TTYH2: variants seen among roughly 807,000 people sequenced by gnomAD.
The protein encoded by TTYH2 is protein tweety homolog 2.
A neutral mutation model predicts 68.3 loss-of-function variants in TTYH2; 49 were observed. The observed-to-expected ratio is 0.72, with a 90% CI of 0.57 to 0.91. TTYH2 has a LOEUF of 0.91. Ranked by LOEUF, TTYH2 falls within the 40% of genes least tolerant of loss-of-function variation. The pLI, the probability that TTYH2 is intolerant of heterozygous loss-of-function variation, is 0.00. For synonymous variants in TTYH2, 272 were observed against 300.8 expected, an observed-to-expected ratio of 0.90 and a Z score of 0.99; for missense variants, 631 against 700.4, an observed-to-expected ratio of 0.90 and a Z score of 1.12.
chr17:74,245,473 G>C (rs1285379195), intron 6 of TTYH2, among the ~76,000 whole-genome samples: 1 of 152,250 alleles, frequency 6.6e-6, no homozygotes, highest in Non-Finnish European at 1.5e-5. Flanking sequence ...GGAGGCAGCG[G>C]TGGCTTCCAG....
At chr17:74,249,463 A>G in intron 8 of TTYH2, 64 bp downstream of exon 8, 1 of 1,570,628 alleles carries the variant, frequency 6.4e-7, no homozygotes, top group African/African-American at 1.3e-5. Flanking sequence ...CCTAAGCCTC[A>G]CCACTGACCA....
Position 74,255,486 on chromosome 17 carries a change from C to T in TTYH2, c.1524+1653C>T, listed in dbSNP as rs569388256. On this transcript the variant is annotated intron_variant, in intron 13 of 13. Transcript: ENST00000269346. ...TTTTTTTTTGAGACGGAGTCTCACT[C>T]TTCTGCCCAGGCTGGAGTGCAGTGA... Among the ~76,000 whole-genome samples, 3 of 151,948 alleles carry T rather than the reference C, an allele frequency of 2.0e-5. No individual in the cohort carries two copies. In the South Asian group the frequency reaches 6.2e-4, roughly 32 times the overall value.
chr17:74,235,903 A>C (rs796402446), intron 3 of TTYH2, among the ~76,000 whole-genome samples: 2 of 151,990 alleles, frequency 1.3e-5, no homozygotes, highest in African/African-American at 2.4e-5. Context: ...CTCAAAAAAA[A>C]AAAAAAAACA....
chr17:74,259,785 T>C (rs902946914), intron 13 of TTYH2, among the ~76,000 whole-genome samples: 1 of 152,158 alleles, frequency 6.6e-6, no homozygotes, highest in African/African-American at 2.4e-5. Context: ...AGCTGGGATT[T>C]GAACCTGCTT....
chr17:74,244,493 G>A (rs1352649444), intron 6 of TTYH2, among the ~76,000 whole-genome samples: 1 of 152,210 alleles, frequency 6.6e-6, no homozygotes, highest in Non-Finnish European at 1.5e-5. Context: ...CCCTGGGACT[G>A]TAGAATGTGG....
chr17:74,237,443 G>A lies in TTYH2; in HGVS notation c.564G>A (p.Leu188=). ...GCGTTGTTGTTCAGCTCTCAGGACTGCCCGTGTGGAGGGAGGTCACCATGG... is the reference window on the plus strand; with the variant it reads ...GCGTTGTTGTTCAGCTCTCAGGACTACCCGTGTGGAGGGAGGTCACCATGG... ...AGSVVVQLSG[L]PVWREVTMEL... Residue 188 remains leucine, a synonymous_variant, in exon 4 of 14, where the codon CTG becomes CTA. Transcript: ENST00000269346. 2 of 1,614,130 alleles carry A rather than the reference G, an allele frequency of 1.2e-6. No homozygotes were observed. The highest frequency in any genetic ancestry group is 1.6e-4 in the Middle Eastern group (1 of 6,062).
chr17:74,249,111 G>T, intron 7 of TTYH2, 31 bp downstream of exon 7: 1 of 1,613,616 alleles, frequency 6.2e-7, no homozygotes, highest in African/African-American at 1.3e-5. Flanking sequence ...TGCTGCTGTG[G>T]ATGCATAGGT....
chr17:74,251,211 T>C lies in TTYH2; in HGVS notation c.1116+854T>C, dbSNP rs374118253. On this transcript the variant is annotated intron_variant, in intron 10 of 13. Coordinates refer to ENST00000269346, the MANE Select transcript of TTYH2 (RefSeq NM_032646.6). ...GTGTGCTGTGCATGCGTGTGTGTGG[T>C]GCATGTGTATGTGCCTGTATGTGTG... 2.4e-3 allele frequency among the ~76,000 whole-genome samples: 371 copies of C among 151,478 alleles called. 1 individual carries two copies. Among genetic ancestry groups the C allele is most frequent in the African/African-American group, 8.6e-3 (354 of 41,266 alleles).
intron 6 of TTYH2, 25 bp from the exon 7 acceptor site, chr17:74,248,986 C>A: frequency 1.9e-6 from 3 of 1,614,018 alleles, no homozygotes; most frequent in Non-Finnish European, 1.7e-6. Flanking sequence ...TTTTCCTCCA[C>A]CCCGTCCCTC....
rs1051768602 is a variant in TTYH2 at position 74,261,922 on chromosome 17, CAG to C, written c.*1715_*1716del. ...TTGTTTTTAATGCATGGAAACTAAA[CAG>C]ATTCCTCGGGGAGTTCCTGAAGGAA... On this transcript the variant is annotated 3_prime_UTR_variant, in exon 14 of 14. Coordinates refer to ENST00000269346, the MANE Select transcript of TTYH2 (RefSeq NM_032646.6). The C allele has an allele frequency of 1.2e-4, 18 of 152,726 alleles. No homozygotes were observed. Among genetic ancestry groups the C allele is most frequent in the African/African-American group, 3.6e-4 (15 of 41,568 alleles). The allele number at this position is 152,726 out of a possible 1,614,324, so 9.5% of individuals were successfully genotyped here. A position where few individuals can be genotyped will look rare whatever the true frequency, so the allele number is the denominator to read the frequency against.
At chr17:74,256,949 T>TA (rs2050699430) in intron 13 of TTYH2, 2 of 152,330 alleles carry the variant, frequency 1.3e-5, no homozygotes, top group Admixed American at 6.5e-5. Context: ...ACGCCCAGCC[T>TA]AAAAGTCAGC....
At chr17:74,257,466 C>T (rs529002477) in intron 13 of TTYH2, among the ~76,000 whole-genome samples, 27 of 152,288 alleles carry the variant, frequency 1.8e-4, no homozygotes, top group Admixed American at 1.6e-3. Context: ...CAGCTGGCTG[C>T]GCCCCACCCT....
At chr17:74,252,520 G>A (rs1246566937) in intron 11 of TTYH2, 144 bp downstream of exon 11, 2 of 1,080,636 alleles carry the variant, frequency 1.9e-6, no homozygotes, top group African/African-American at 1.6e-5. Flanking sequence ...CCAACAGGCT[G>A]GCTGACTTCT....
intron 6 of TTYH2, among the ~76,000 whole-genome samples, chr17:74,244,583 G>A (rs1397982641): frequency 7.1e-6 from 1 of 141,526 alleles, no homozygotes; most frequent in Admixed American, 6.9e-5. Context: ...TGGATGTGAT[G>A]TCTCAAAATG....
In TTYH2 at chr17:74,248,719, C is replaced by G. The variant is rs1383707239; in HGVS notation, c.805-292C>G. On this transcript the variant is annotated intron_variant, in intron 6 of 13. Transcript: ENST00000269346. The stretch of plus-strand genomic sequence containing the variant: ...TCGGGAATAAGAGTAACAGCATGCG[C>G]TCTGCCCCAGTCACTTTTCTGAGCA... 3.8e-6 allele frequency: 5 copies of G among 1,332,806 alleles called. No homozygotes were observed. In the African/African-American group the frequency reaches 7.4e-5, roughly 20 times the overall value. The allele number at this position is 1,332,806 out of a possible 1,614,324, so 82.6% of individuals were successfully genotyped here. A position where few individuals can be genotyped will look rare whatever the true frequency, so the allele number is the denominator to read the frequency against.
Position 74,260,531 on chromosome 17 carries a change from G to A in TTYH2, c.*322G>A. 2.6e-6 allele frequency: 1 copy of A among 378,430 alleles called. No homozygotes were observed. Among genetic ancestry groups the A allele is most frequent in the East Asian group, 5.4e-5 (1 of 18,624 alleles). 23.4% of individuals were successfully genotyped at this position (378,430 alleles called of 1,614,324 possible). A position where few individuals can be genotyped will look rare whatever the true frequency, so the allele number is the denominator to read the frequency against. On this transcript the variant is annotated 3_prime_UTR_variant, in exon 14 of 14. Transcript: ENST00000269346. ...CCCTTGCCAGGAGGGGAGTGGCAGT[G>A]AGGAGGGGGCCAGGTCAGGCACCAC...
chr17:74,248,756 T>C (rs1485577395), intron 6 of TTYH2: 9 of 1,383,510 alleles, frequency 6.5e-6, no homozygotes, highest in Middle Eastern at 2.7e-4. Context: ...TTTACTTGCA[T>C]TGGGTGAATA....
In TTYH2 at chr17:74,258,723, C is replaced by T. The variant is rs150418792; in HGVS notation, c.1525-1406C>T. Among the ~76,000 whole-genome samples, 445 of 152,084 alleles carry T rather than the reference C, an allele frequency of 2.9e-3. 2 individuals are homozygous for T. The highest frequency in any genetic ancestry group is 0.01 in the African/African-American group (425 of 41,486). ...TGGGGGGTTCCTGTACATTGTAGGA[C>T]GTCTAGCAGCATCCCTGGCATCTAC... On this transcript the variant is annotated intron_variant, in intron 13 of 13. Coordinates refer to ENST00000269346, the MANE Select transcript of TTYH2 (RefSeq NM_032646.6).
chr17:74,227,710 A>G (rs1439030145), intron 2 of TTYH2, among the ~76,000 whole-genome samples: 4 of 151,992 alleles, frequency 2.6e-5, no homozygotes, highest in Non-Finnish European at 4.4e-5. Flanking sequence ...GGGTGTGTGT[A>G]AGAGAGAGAC....
Sources: gnomAD v4.1 joint callset for allele counts (sites outside exome capture counted in the v4.1 genomes callset) on GRCh38, gnomAD v4.1.1 for gene constraint, MANE v1.5 for transcripts, NCBI Gene and HGNC (gene_info 2026-07-23, HGNC 2026-07-21) for gene names.